AGAP1: variants seen among roughly 807,000 people sequenced by gnomAD.
The protein encoded by AGAP1 is ArfGAP with GTPase domain, ankyrin repeat and PH domain 1.
A neutral mutation model predicts 105.3 loss-of-function variants in AGAP1; 29 were observed. The observed-to-expected ratio is 0.28, with a 90% CI of 0.21 to 0.38. AGAP1 has a LOEUF of 0.38. Ranked by LOEUF, AGAP1 falls within the 10% of genes least tolerant of loss-of-function variation. The pLI, the probability that AGAP1 is intolerant of heterozygous loss-of-function variation, is 1.00. For missense variants in AGAP1, 998 were observed against 1,165.1 expected (o/e 0.86, Z 2.09); for synonymous variants, 509 against 485.9 (o/e 1.05, Z -0.63).
chr2:235,646,150 C>T (rs1332870251), intron 1 of AGAP1, among the ~76,000 whole-genome samples: 1 of 151,456 alleles, frequency 6.6e-6, no homozygotes, highest in Non-Finnish European at 1.5e-5. Flanking sequence ...TGGTGGGTGC[C>T]TGTAATCTGA....
chr2:235,829,442 A>G (rs1398811462), intron 9 of AGAP1, among the ~76,000 whole-genome samples: 1 of 152,174 alleles, frequency 6.6e-6, no homozygotes, highest in East Asian at 1.9e-4. Context: ...TTTCCTAAGA[A>G]CCCTGAGACC....
chr2:235,980,131 A>G (rs2055029447), intron 13 of AGAP1, among the ~76,000 whole-genome samples: 1 of 152,202 alleles, frequency 6.6e-6, no homozygotes, highest in East Asian at 1.9e-4. Flanking sequence ...CCTCCGTGTA[A>G]TCAAGTGGCG....
intron 1 of AGAP1, among the ~76,000 whole-genome samples, chr2:235,605,625 A>AT (rs1353299714): frequency 6.6e-6 from 1 of 152,244 alleles, no homozygotes; most frequent in Non-Finnish European, 1.5e-5. Context: ...GGAAAGCGAT[A>AT]TTTAAGAAAT....
At chr2:235,984,191 T>A (rs2055207564) in intron 13 of AGAP1, among the ~76,000 whole-genome samples, 1 of 152,238 alleles carries the variant, frequency 6.6e-6, no homozygotes, top group African/African-American at 2.4e-5. Flanking sequence ...TCTGGCATCT[T>A]ATATTTGGCA....
chr2:236,066,050 C>T (rs547694007), intron 16 of AGAP1, among the ~76,000 whole-genome samples: 69 of 152,288 alleles, frequency 4.5e-4, no homozygotes, highest in African/African-American at 1.5e-3. Context: ...ATGGCTTGCC[C>T]ATGTGTCCTG....
rs143715398 is a variant in AGAP1 at position 235,807,288 on chromosome 2, G to A, written c.1007G>A (p.Arg336His). 1.7e-5 allele frequency: 27 copies of A among 1,605,476 alleles called. No individual in the cohort carries two copies. Among genetic ancestry groups the A allele is most frequent in the African/African-American group, 9.4e-5 (7 of 74,082 alleles). Residue 336 changes from arginine to histidine, a missense_variant, in exon 9 of 18, where the codon CGT becomes CAT. By Grantham distance (29) the Arg-to-His change is conservative. Transcript: ENST00000304032. ...PDKEKKGLES[R>H]ADSIGSGRAI... is the part of the protein sequence containing the mutation. ...AAAGAGAAGAAAGGCCTGGAGAGTC[G>A]TGCGGACAGCATTGGGAGCGGCCGA...
chr2:235,852,623 G>A, intron 9 of AGAP1: 1 of 1,349,560 alleles, frequency 7.4e-7, no homozygotes, highest in Non-Finnish European at 9.7e-7. Context: ...TAATTAATTA[G>A]CCATAACCCT....
At position 235,959,068 on chromosome 2, in the gene AGAP1, G is replaced by A. The variant is rs889200085; in HGVS notation, c.1484-9394G>A. 1.2e-4 allele frequency among the ~76,000 whole-genome samples: 18 copies of A among 152,312 alleles called. No individual in the cohort carries two copies. Among genetic ancestry groups the A allele is most frequent in the African/African-American group, 2.6e-4 (11 of 41,578 alleles). ...CGCAGCTCGGGACCCCAGTCCCTCC[G>A]TCAGAGCCGGTTTAGATGTGGAGTA... On this transcript the variant is annotated intron_variant, in intron 12 of 17. Transcript: ENST00000304032. This position sits in a 1 kb window ranked among gnomAD's most constrained non-coding sequence, Gnocchi z 7.3.
rs994279113 is a variant in AGAP1, at chr2:235,865,422, G to A, written c.1051-17923G>A. ...ACGTGTGGCGCCGACCCCGCCGTGC[G>A]CAATCGGGGCTTTATACGATTGCTG... On this transcript the variant is annotated intron_variant, in intron 9 of 17. Coordinates refer to ENST00000304032, the MANE Select transcript of AGAP1 (RefSeq NM_001037131.3). This position sits in a 1 kb window ranked among gnomAD's most constrained non-coding sequence, Gnocchi z 6.2. Among the ~76,000 whole-genome samples the A allele has an allele frequency of 8.5e-5, 13 of 152,196 alleles. No homozygotes were observed. The highest frequency in any genetic ancestry group is 5.8e-4 in the East Asian group (3 of 5,194).
chr2:235,760,455 A>C (rs913640571), intron 6 of AGAP1, among the ~76,000 whole-genome samples: 1 of 152,268 alleles, frequency 6.6e-6, no homozygotes, highest in African/African-American at 2.4e-5. Context: ...AGACATTTTC[A>C]GGAGTAATTT....
intron 1 of AGAP1, among the ~76,000 whole-genome samples, chr2:235,554,264 C>T (rs1943903679): frequency 6.6e-6 from 1 of 152,184 alleles, no homozygotes; most frequent in Non-Finnish European, 1.5e-5. Context: ...CAGAGAGTGG[C>T]CTGCTTAGCT....
At chr2:236,091,592 C>G (rs959714202) in intron 16 of AGAP1, among the ~76,000 whole-genome samples, 1 of 152,058 alleles carries the variant, frequency 6.6e-6, no homozygotes, top group Non-Finnish European at 1.5e-5. Context: ...GGCAACATAG[C>G]AAGATTCCGT....
In AGAP1 at chr2:235,988,053, G is replaced by GT. The variant is rs1376772630; in HGVS notation, c.1645+19436dup. 6.6e-6 allele frequency among the ~76,000 whole-genome samples: 1 copy of GT among 152,150 alleles called. No individual in the cohort carries two copies. The highest frequency in any genetic ancestry group is 1.5e-5 in the Non-Finnish European group (1 of 68,040). ...TGTGTTTGTTCGTTTGTTCTGTTTTGTTTTTTGAAACAAGAGTCTCACTCT... is the reference window on the plus strand; with the variant it reads ...TGTGTTTGTTCGTTTGTTCTGTTTTGTTTTTTTGAAACAAGAGTCTCACTCT... On this transcript the variant is annotated intron_variant, in intron 13 of 17. Transcript: ENST00000304032. This position sits in a 1 kb window ranked among gnomAD's most constrained non-coding sequence, Gnocchi z 4.7.
In AGAP1 at chr2:235,730,493, A is replaced by AC. The variant is rs1951884758; in HGVS notation, c.311-10470_311-10469insC. Among the ~76,000 whole-genome samples, 7 of 151,034 alleles carry AC rather than the reference A, an allele frequency of 4.6e-5. No homozygotes were observed. In the South Asian group the frequency reaches 1.3e-3, roughly 27 times the overall value. On this transcript the variant is annotated intron_variant, in intron 3 of 17. Coordinates refer to ENST00000304032, the MANE Select transcript of AGAP1 (RefSeq NM_001037131.3). The stretch of plus-strand genomic sequence containing the variant: ...TTTACCTTTTAAAAAAAAAAAAAAA[A>AC]AAAAACGAGACAAGGTCTCACTCTG...
chr2:235,549,087 C>T lies in AGAP1; in HGVS notation c.163+54238C>T, dbSNP rs756514882. On this transcript the variant is annotated intron_variant, in intron 1 of 17. Coordinates refer to ENST00000304032, the MANE Select transcript of AGAP1 (RefSeq NM_001037131.3). This position sits in a 1 kb window ranked among gnomAD's most constrained non-coding sequence, Gnocchi z 4.2. ...ACCTGCTCTCCTTGTAGAGACACAACCCCAGGGTACTTGGAGCTCATGCTA... is the reference window on the plus strand; with the variant it reads ...ACCTGCTCTCCTTGTAGAGACACAATCCCAGGGTACTTGGAGCTCATGCTA... Among the ~76,000 whole-genome samples the T allele has an allele frequency of 1.3e-5, 2 of 152,242 alleles. No homozygotes were observed. The highest frequency in any genetic ancestry group is 2.4e-5 in the African/African-American group (1 of 41,472).
intron 16 of AGAP1, among the ~76,000 whole-genome samples, chr2:236,063,304 G>C (rs2058257564): frequency 6.6e-6 from 1 of 152,044 alleles, no homozygotes; most frequent in Non-Finnish European, 1.5e-5. Context: ...TGGCCAAGCT[G>C]GTCTTGAACT....
chr2:235,794,692 G>A (rs1014975011), intron 6 of AGAP1, among the ~76,000 whole-genome samples: 1 of 151,988 alleles, frequency 6.6e-6, no homozygotes, highest in Non-Finnish European at 1.5e-5. Flanking sequence ...GGCTGGACTC[G>A]AACTCCTGAC....
intron 1 of AGAP1, among the ~76,000 whole-genome samples, chr2:235,590,789 C>T (rs1945311675): frequency 4.4e-5 from 6 of 135,454 alleles, no homozygotes; most frequent in Non-Finnish European, 7.6e-5. Context: ...GGTGTGATCT[C>T]GGCTCACTGC....
intron 10 of AGAP1, among the ~76,000 whole-genome samples, chr2:235,884,595 T>C (rs2050184378): frequency 6.6e-6 from 1 of 151,816 alleles, no homozygotes; most frequent in South Asian, 2.1e-4. Flanking sequence ...GAATTACAGG[T>C]GCCTGCCACC....
Sources: gnomAD v4.1 joint callset for allele counts (sites outside exome capture counted in the v4.1 genomes callset) on GRCh38, gnomAD v4.1.1 for gene constraint, Gnocchi (gnomAD v3.1) non-coding constraint, MANE v1.5 for transcripts, NCBI Gene and HGNC (gene_info 2026-07-23, HGNC 2026-07-21) for gene names.